SHB: variants seen among roughly 807,000 people sequenced by gnomAD.
SHB encodes the protein SH2 domain-containing adapter protein B.
Under a neutral mutation model 52.3 loss-of-function variants are expected in SHB, and 20 were observed. The ratio of observed to expected loss-of-function variants is 0.38; its 90% CI spans 0.27 to 0.56. The LOEUF (loss-of-function observed/expected upper bound fraction) is 0.56. Ranked by LOEUF, SHB falls within the 20% of genes least tolerant of loss-of-function variation. The pLI, the probability that SHB is intolerant of heterozygous loss-of-function variation, is 0.71. For missense variants in SHB, 825 were observed against 723.3 expected, an observed-to-expected ratio of 1.14 and a Z score of -1.61; for synonymous variants, 397 against 316.5, an observed-to-expected ratio of 1.25 and a Z score of -2.70.
chr9:37,974,706 T>C lies in SHB; in HGVS notation c.970A>G (p.Lys324Glu), dbSNP rs369410931. The C allele has an allele frequency of 3.7e-6, 6 of 1,613,954 alleles. No individual in the cohort carries two copies. The highest frequency in any genetic ancestry group is 1.3e-5 in the African/African-American group (1 of 74,910). ...STVSPRLRES[K>E]LPQDDDRPAD... is the part of the protein sequence containing the mutation. ...GGCCTGTCGTCATCCTGGGGCAGCTTGCTCTCCCGCAGTCGGGGGCTGACT... is the reference window on the plus strand; with the variant it reads ...GGCCTGTCGTCATCCTGGGGCAGCTCGCTCTCCCGCAGTCGGGGGCTGACT... Residue 324 changes from lysine (K) to glutamate (E), a missense_variant, in exon 3 of 6, where the codon AAG becomes GAG. Physicochemically the swap from Lys to Glu is moderately conservative, Grantham distance 56. Transcript: ENST00000377707.
chr9:38,041,690 T>C (rs1821579862), intron 1 of SHB, among the ~76,000 whole-genome samples: 1 of 152,054 alleles, frequency 6.6e-6, no homozygotes, highest in South Asian at 2.1e-4. Flanking sequence ...GGGAAGCCAC[T>C]GGTGGTTCTG....
intron 2 of SHB, among the ~76,000 whole-genome samples, chr9:37,987,602 T>A (rs1820827062): frequency 6.6e-6 from 1 of 152,208 alleles, no homozygotes; most frequent in Non-Finnish European, 1.5e-5. Context: ...GCTTCCTCCC[T>A]CTGGCTGTCA....
rs752902159 is a variant in SHB, at chr9:38,068,651, G to C, written c.-6C>G. 3.5e-6 allele frequency: 5 copies of C among 1,417,388 alleles called. No individual in the cohort carries two copies. In the Admixed American group the frequency reaches 1.2e-4, roughly 33 times the overall value. The allele number at this position is 1,417,388 out of a possible 1,614,324, so 87.8% of individuals were successfully genotyped here. A position where few individuals can be genotyped will look rare whatever the true frequency, so the allele number is the denominator to read the frequency against. On this transcript the variant is annotated 5_prime_UTR_variant, in exon 1 of 6. Transcript: ENST00000377707. ...TTGTTTAGCCACTTGGCCATGGCGAGAGGCCGCCTAGGGCCGCGGCGCGGG... is the reference window on the plus strand; with the variant it reads ...TTGTTTAGCCACTTGGCCATGGCGACAGGCCGCCTAGGGCCGCGGCGCGGG...
chr9:37,988,828 C>T (rs1004687001), intron 2 of SHB, among the ~76,000 whole-genome samples: 2 of 152,214 alleles, frequency 1.3e-5, no homozygotes, highest in African/African-American at 4.8e-5. Context: ...GGTGGACCTT[C>T]TCCCGAGTCA....
rs190177115 is a variant in SHB at position 37,979,831 on chromosome 9, C to A, written c.839-4994G>T. 2.6e-5 allele frequency among the ~76,000 whole-genome samples: 4 copies of A among 152,108 alleles called. No homozygotes were observed. The East Asian group carries it at 7.7e-4, about 29-fold the overall frequency. ...AATTAGCCAGGCATGGTGGCAGGTACCTGTAAAATTTTTTGGTTTTCCAAT... is the reference window on the plus strand; with the variant it reads ...AATTAGCCAGGCATGGTGGCAGGTAACTGTAAAATTTTTTGGTTTTCCAAT... On this transcript the variant is annotated intron_variant, in intron 2 of 5. Transcript: ENST00000377707.
intron 2 of SHB, among the ~76,000 whole-genome samples, chr9:38,002,794 G>A (rs1246391004): frequency 2.6e-5 from 4 of 152,204 alleles, no homozygotes; most frequent in Non-Finnish European, 5.9e-5. Flanking sequence ...TTTAACTGCA[G>A]TACTAGATCC....
chr9:38,026,238 C>A (rs1384603783), intron 1 of SHB, among the ~76,000 whole-genome samples: 4 of 152,232 alleles, frequency 2.6e-5, no homozygotes, highest in Non-Finnish European at 5.9e-5. Flanking sequence ...TGTGCCCCAG[C>A]CAAGGCCCGG....
At chr9:37,920,883 C>T (rs917612403) in intron 5 of SHB, among the ~76,000 whole-genome samples, 1 of 152,224 alleles carries the variant, frequency 6.6e-6, no homozygotes, top group Non-Finnish European at 1.5e-5. Context: ...CACCTGAAGT[C>T]TGCTCAAGGA....
In SHB at chr9:37,919,744, G is replaced by T; in HGVS notation, c.*77C>A. ...ACAAACGACACAGCCAGCAACAGTG[G>T]CTGGGCTGGTTGGTGGGGGGCCTCT... On this transcript the variant is annotated 3_prime_UTR_variant, in exon 6 of 6. Coordinates refer to ENST00000377707, the MANE Select transcript of SHB (RefSeq NM_003028.3). 8.7e-7 allele frequency: 1 copy of T among 1,145,648 alleles called. No homozygotes were observed. Among genetic ancestry groups the T allele is most frequent in the Non-Finnish European group, 1.3e-6 (1 of 769,866 alleles). 71.0% of individuals were successfully genotyped at this position (1,145,648 alleles called of 1,614,324 possible).
chr9:38,004,364 G>C (rs941219873), intron 2 of SHB, among the ~76,000 whole-genome samples: 1 of 152,206 alleles, frequency 6.6e-6, no homozygotes, highest in Non-Finnish European at 1.5e-5. Context: ...GTGAACCTGA[G>C]CTGCTGGGGG....
At chr9:38,041,521 A>G (rs1232441143) in intron 1 of SHB, among the ~76,000 whole-genome samples, 2 of 152,092 alleles carry the variant, frequency 1.3e-5, no homozygotes, top group African/African-American at 2.4e-5. Context: ...GGAGAAGGGC[A>G]TGCCTGCTTC....
At chr9:37,948,970 C>G (rs1832527731) in intron 4 of SHB, among the ~76,000 whole-genome samples, 1 of 152,190 alleles carries the variant, frequency 6.6e-6, no homozygotes, top group Non-Finnish European at 1.5e-5. Flanking sequence ...AGCTTATGCT[C>G]TGGTGCAGGG....
At position 37,918,072 on chromosome 9, in the gene SHB, A is replaced by G. The variant is rs1832124294; in HGVS notation, c.*1749T>C. On this transcript the variant is annotated 3_prime_UTR_variant, in exon 6 of 6. Coordinates refer to ENST00000377707, the MANE Select transcript of SHB (RefSeq NM_003028.3). ...CTGGAACCACCTCCAAACAGTCTCT[A>G]AAGACATGAGCAGCGCTGATGTCTG... 2.6e-5 allele frequency among the ~76,000 whole-genome samples: 4 copies of G among 152,224 alleles called. No homozygotes were observed. Among genetic ancestry groups the G allele is most frequent in the Admixed American group, 2.6e-4 (4 of 15,290 alleles).
intron 2 of SHB, among the ~76,000 whole-genome samples, chr9:37,996,517 G>A: frequency 6.6e-6 from 1 of 152,190 alleles, no homozygotes; most frequent in East Asian, 1.9e-4. Flanking sequence ...AAAAAATTTG[G>A]TAATTCAATG....
chr9:38,019,980 AATG>A (rs1240465729), intron 1 of SHB, among the ~76,000 whole-genome samples: 1 of 152,242 alleles, frequency 6.6e-6, no homozygotes, highest in Non-Finnish European at 1.5e-5. Flanking sequence ...CAAGCTGTAG[AATG>A]ATAACTACAA....
intron 3 of SHB, among the ~76,000 whole-genome samples, chr9:37,973,653 A>AG (rs1820616787): frequency 6.6e-6 from 1 of 152,240 alleles, no homozygotes; most frequent in Non-Finnish European, 1.5e-5. Context: ...GTGGGAGAGG[A>AG]GTTCTAGAAT....
At chr9:37,959,984 T>A (rs1832676929) in intron 3 of SHB, among the ~76,000 whole-genome samples, 1 of 152,128 alleles carries the variant, frequency 6.6e-6, no homozygotes, top group African/African-American at 2.4e-5. Flanking sequence ...TTTAGCTTTA[T>A]TGGGAAAAAA....
chr9:38,001,352 A>C (rs1274119820), intron 2 of SHB, among the ~76,000 whole-genome samples: 1 of 152,248 alleles, frequency 6.6e-6, no homozygotes. Context: ...ATCGTCAAGC[A>C]CACCTTCCTG....
chr9:38,005,630 T>C (rs1821068178), intron 2 of SHB, among the ~76,000 whole-genome samples: 1 of 152,218 alleles, frequency 6.6e-6, no homozygotes, highest in African/African-American at 2.4e-5. Context: ...CTCGGAGCCT[T>C]AGGGAGAGTC....
Sources: gnomAD v4.1 joint callset for allele counts (sites outside exome capture counted in the v4.1 genomes callset) on GRCh38, gnomAD v4.1.1 for gene constraint, MANE v1.5 for transcripts, NCBI Gene and HGNC (gene_info 2026-07-23, HGNC 2026-07-21) for gene names.